The following ARHGAP11A variants were observed in gnomAD, a reference collection of about 807,000 sequenced individuals.
ARHGAP11A encodes the protein Rho GTPase activating protein 11A.
A neutral mutation model predicts 60.5 loss-of-function variants in ARHGAP11A; 36 were observed. The ratio of observed to expected loss-of-function variants is 0.59; its 90% CI spans 0.46 to 0.79. ARHGAP11A has a LOEUF of 0.79. Among genes scored for constraint, ARHGAP11A ranks in the 30% least tolerant of loss-of-function variants. ARHGAP11A has a pLI of 0.00. For missense variants in ARHGAP11A, 1,071 were observed against 1,199.2 expected (o/e 0.89, Z 1.58); for synonymous variants, 362 against 415.5 (o/e 0.87, Z 1.57).
intron 6 of ARHGAP11A, among the ~76,000 whole-genome samples, chr15:32,627,447 T>C (rs2053486688): frequency 6.6e-6 from 1 of 152,042 alleles, no homozygotes; most frequent in African/African-American, 2.4e-5. Context: ...AGAATCTTCT[T>C]GGCCGGGCGC....
At position 32,625,177 on chromosome 15, in the gene ARHGAP11A, A is replaced by G. The variant is rs149442982; in HGVS notation, c.649A>G (p.Thr217Ala). The G allele has an allele frequency of 3.7e-5, 60 of 1,613,844 alleles. No homozygotes were observed. The highest frequency in any genetic ancestry group is 4.7e-5 in the Non-Finnish European group (56 of 1,179,840). ...AGGACATGAAAAGATGTCTTCTAAC[A>G]CAGAAAAGAAGCTACGATTACAGGC... The part of the protein sequence containing the change: ...SEGHEKMSSN[T>A]EKKLRLQAAV... The change falls in exon 5 of 12, where the codon ACA becomes GCA. Residue 217 changes from threonine (T) to alanine (A), a missense_variant. Physicochemically the swap from Thr to Ala is moderately conservative, Grantham distance 58. Transcript: ENST00000361627.
chr15:32,637,957 T>G lies in ARHGAP11A; in HGVS notation c.*112T>G. The stretch of plus-strand genomic sequence containing the variant: ...CAGGATGATTGTTAAGCAATAGATT[T>G]GCTCTATTGAAAATGTTTCATTTTT... On this transcript the variant is annotated 3_prime_UTR_variant, in exon 12 of 12. Coordinates refer to ENST00000361627, the MANE Select transcript of ARHGAP11A (RefSeq NM_014783.6). 1 of 949,156 alleles carries G rather than the reference T, an allele frequency of 1.1e-6. No individual in the cohort carries two copies. Among genetic ancestry groups the G allele is most frequent in the Non-Finnish European group, 1.5e-6 (1 of 652,884 alleles). 58.8% of individuals were successfully genotyped at this position (949,156 alleles called of 1,614,324 possible). A position where few individuals can be genotyped will look rare whatever the true frequency, so the allele number is the denominator to read the frequency against.
chr15:32,636,056 TG>T, intron 11 of ARHGAP11A, 141 bp downstream of exon 11: 3 of 1,376,378 alleles, frequency 2.2e-6, no homozygotes, highest in Non-Finnish European at 2.8e-6. Context: ...GAATTGGCAA[TG>T]TATTTTTCTA....
At position 32,625,120 on chromosome 15, in the gene ARHGAP11A, A is replaced by G. The variant is rs138712043; in HGVS notation, c.592A>G (p.Ile198Val). The change falls in exon 5 of 12, where the codon ATA (isoleucine) becomes GTA (valine). Residue 198 changes from isoleucine (I) to valine (V), a missense_variant. Ile to Val is a conservative substitution (Grantham distance 29, BLOSUM62 3). Coordinates refer to ENST00000361627, the MANE Select transcript of ARHGAP11A (RefSeq NM_014783.6). ...GATGGACAGCAGCAATCTTGCAGTA[A>G]TATTTGCACCGAATCTTCTTCAGAC... ...NKMDSSNLAVIFAPNLLQTSE... is the reference protein window; with the variant it reads ...NKMDSSNLAVVFAPNLLQTSE... The G allele has an allele frequency of 7.4e-6, 12 of 1,613,812 alleles. No homozygotes were observed. Among genetic ancestry groups the G allele is most frequent in the African/African-American group, 1.3e-5 (1 of 74,916 alleles).
At chr15:32,630,756 T>G (rs979810482) in intron 8 of ARHGAP11A, among the ~76,000 whole-genome samples, 2 of 152,180 alleles carry the variant, frequency 1.3e-5, no homozygotes, top group Non-Finnish European at 2.9e-5. Context: ...TCTTCACAGG[T>G]TCTCTAGGGC....
At chr15:32,624,977 G>A in intron 4 of ARHGAP11A, 103 bp from the exon 5 acceptor site, 1 of 1,301,896 alleles carries the variant, frequency 7.7e-7, no homozygotes, top group Non-Finnish European at 1.1e-6. Context: ...TTTGACTTGT[G>A]TATGACTGAT....
At chr15:32,616,848 A>T (rs1384438138) in intron 1 of ARHGAP11A, among the ~76,000 whole-genome samples, 1 of 152,244 alleles carries the variant, frequency 6.6e-6, no homozygotes, top group Non-Finnish European at 1.5e-5. Flanking sequence ...ATGAATCTGT[A>T]GATGAAGAAG....
At chr15:32,620,897 G>A (rs1435537598) in intron 2 of ARHGAP11A, among the ~76,000 whole-genome samples, 2 of 151,962 alleles carry the variant, frequency 1.3e-5, no homozygotes, top group Admixed American at 6.6e-5. Flanking sequence ...AAGACTCCAT[G>A]TATAAAAAAA....
At chr15:32,626,468 T>G (rs1398440368) in intron 6 of ARHGAP11A, among the ~76,000 whole-genome samples, 1 of 152,150 alleles carries the variant, frequency 6.6e-6, no homozygotes, top group African/African-American at 2.4e-5. Context: ...TATTATCTTT[T>G]GAATATCAGA....
chr15:32,621,459 G>C (rs189083509), intron 2 of ARHGAP11A, among the ~76,000 whole-genome samples: 19 of 152,292 alleles, frequency 1.2e-4, no homozygotes, highest in African/African-American at 4.6e-4. Flanking sequence ...CAAAGTGCTA[G>C]GATTACAGGC....
chr15:32,633,386 A>G (rs984789654), intron 9 of ARHGAP11A, among the ~76,000 whole-genome samples: 1 of 152,126 alleles, frequency 6.6e-6, no homozygotes, highest in Non-Finnish European at 1.5e-5. Context: ...TATGCCTGTA[A>G]TCCTAGCACT....
At chr15:32,629,975 T>TGTGTGTGTGTGTGTG (rs59288058) in intron 8 of ARHGAP11A, among the ~76,000 whole-genome samples, 2 of 128,938 alleles carry the variant, frequency 1.6e-5, no homozygotes, top group Non-Finnish European at 3.2e-5. Flanking sequence ...TGTGTGTGTG[T>TGTGTGTGTGTGTGTG]TATGACAACA....
chr15:32,620,210 T>A (rs750361501), intron 2 of ARHGAP11A, 32 bp downstream of exon 2: 1 of 1,600,852 alleles, frequency 6.2e-7, no homozygotes, highest in Non-Finnish European at 8.5e-7. Flanking sequence ...GAAGGCCGGG[T>A]GCAGTGGCAT....
chr15:32,630,857 A>T lies in ARHGAP11A; in HGVS notation c.1105+1095A>T, dbSNP rs186359685. Among the ~76,000 whole-genome samples, 240 of 152,076 alleles carry T rather than the reference A, an allele frequency of 1.6e-3. 1 individual carries two copies. The highest frequency in any genetic ancestry group is 5.5e-3 in the African/African-American group (229 of 41,516). On this transcript the variant is annotated intron_variant, in intron 8 of 11. Transcript: ENST00000361627. ...GGAGACTTAAACTTTTTTAAGTAAC[A>T]TAGTTCAGTTGTTTTTTTTTTTGAA...
At chr15:32,628,944 T>C (rs2053528903) in intron 7 of ARHGAP11A, 142 bp downstream of exon 7, 1 of 587,872 alleles carries the variant, frequency 1.7e-6, no homozygotes, top group Admixed American at 4.1e-5. Flanking sequence ...CATACTGTAC[T>C]ATACACACTA....
chr15:32,617,114 G>T (rs528045706), intron 1 of ARHGAP11A, among the ~76,000 whole-genome samples: 2 of 152,200 alleles, frequency 1.3e-5, no homozygotes, highest in East Asian at 3.9e-4. Context: ...TGAATGTAAA[G>T]CATTTTATTT....
intron 7 of ARHGAP11A, 40 bp from the exon 8 acceptor site, chr15:32,629,555 G>T (rs2140463638): frequency 1.3e-6 from 2 of 1,556,698 alleles, no homozygotes; most frequent in African/African-American, 2.7e-5. Context: ...TGTCAACTCT[G>T]CAGTAGAAAC....
In ARHGAP11A at chr15:32,629,648, C is replaced by T. The variant is rs764910802; in HGVS notation, c.991C>T (p.Pro331Ser). The change falls in exon 8 of 12, where the codon CCA (proline) becomes TCA (serine). Residue 331 changes from proline to serine, a missense_variant. Physicochemically the swap from Pro to Ser is moderately conservative, Grantham distance 74 (BLOSUM62 -1). This residue lies in a region of ARHGAP11A where 196 missense variants were observed against 272.1 expected (regional missense o/e 0.72). Transcript: ENST00000361627. ...ILTPNAKRTL[P>S]VDSSHGFSSK... ...TACACCAAATGCTAAGCGTACATTG[C>T]CAGTAGATTCTTCTCATGGTTTCTC... The T allele has an allele frequency of 1.2e-6, 2 of 1,613,322 alleles. No homozygotes were observed. Among genetic ancestry groups the T allele is most frequent in the Admixed American group, 1.7e-5 (1 of 59,930 alleles).
chr15:32,625,315 T>C, intron 5 of ARHGAP11A, 72 bp downstream of exon 5: 3 of 1,492,746 alleles, frequency 2.0e-6, no homozygotes, highest in South Asian at 1.3e-5. Context: ...AAAGGAACTA[T>C]GAAGGCAACT....
Sources: allele counts gnomAD v4.1 joint callset (sites outside exome capture counted in the v4.1 genomes callset), GRCh38; gene constraint gnomAD v4.1.1; regional missense constraint gnomAD v4.1.1; transcripts MANE v1.5; gene names NCBI Gene and HGNC (gene_info 2026-07-23, HGNC 2026-07-21).